Variants in CD163L1 observed in about 807,000 individuals in gnomAD.
The protein encoded by CD163L1 is scavenger receptor cysteine-rich type 1 protein M160.
A neutral mutation model predicts 165.4 loss-of-function variants in CD163L1; 124 were observed. The ratio of observed to expected loss-of-function variants is 0.75; its 90% CI spans 0.65 to 0.87. The LOEUF is 0.87. Among genes scored for constraint, CD163L1 ranks in the 40% least tolerant of loss-of-function variants. CD163L1 has a pLI of 0.00. For missense variants in CD163L1, 1,525 were observed against 1,799.9 expected, an observed-to-expected ratio of 0.85 and a Z score of 2.76; for synonymous variants, 585 against 662.2, an observed-to-expected ratio of 0.88 and a Z score of 1.79.
At chr12:7,345,633 G>C (rs748008162), downstream of CD163L1, among the ~76,000 whole-genome samples, 144 of 152,242 alleles carry the variant, frequency 9.5e-4, no homozygotes, top group African/African-American at 3.3e-3. Context: ...ATAATTTCAA[G>C]CACCTTTATA....
intron 4 of CD163L1, among the ~76,000 whole-genome samples, chr12:7,419,762 CA>C (rs1370863695): frequency 8.8e-5 from 13 of 148,228 alleles, no homozygotes; most frequent in East Asian, 5.9e-4. Context: ...ACAATAGCTG[CA>C]AAAAAAAAAT....
At chr12:7,405,328 CT>C (rs1565799259) in intron 5 of CD163L1, among the ~76,000 whole-genome samples, 1 of 152,002 alleles carries the variant, frequency 6.6e-6, no homozygotes, top group African/African-American at 2.4e-5. Flanking sequence ...TCCCTCTTTT[CT>C]CTCCTAACTT....
At chr12:7,362,834 A>T (rs1946932409) in intron 18 of CD163L1, among the ~76,000 whole-genome samples, 1 of 151,498 alleles carries the variant, frequency 6.6e-6, no homozygotes, top group African/African-American at 2.4e-5. Flanking sequence ...TTGCACATGC[A>T]TTTTTATAAC....
chr12:7,440,925 C>T (rs1202303775), intron 2 of CD163L1, among the ~76,000 whole-genome samples: 2 of 152,084 alleles, frequency 1.3e-5, no homozygotes, highest in African/African-American at 4.8e-5. Context: ...CTGTGCCCGG[C>T]CGGATTTGGA....
intron 4 of CD163L1, among the ~76,000 whole-genome samples, chr12:7,421,212 T>C (rs776597296): frequency 7.4e-6 from 1 of 135,210 alleles, no homozygotes; most frequent in Non-Finnish European, 1.6e-5. Flanking sequence ...TATGGGTATA[T>C]ATATGTGTAT....
intron 14 of CD163L1, among the ~76,000 whole-genome samples, chr12:7,371,595 G>A (rs1195208902): frequency 6.6e-6 from 1 of 151,706 alleles, no homozygotes; most frequent in South Asian, 2.1e-4. Flanking sequence ...CAAAATTTCA[G>A]GTAATATAAT....
intron 4 of CD163L1, among the ~76,000 whole-genome samples, chr12:7,431,586 C>T (rs918666360): frequency 6.7e-6 from 1 of 149,974 alleles, no homozygotes; most frequent in African/African-American, 2.5e-5. Context: ...GGGCAGGGAA[C>T]ATCACACACC....
At chr12:7,345,936 G>A (rs192885158), downstream of CD163L1, among the ~76,000 whole-genome samples, 8 of 152,244 alleles carry the variant, frequency 5.3e-5, no homozygotes, top group African/African-American at 1.7e-4. Context: ...CATATATTGG[G>A]AGAACTCGTT....
chr12:7,402,693 T>C (rs750736855), intron 6 of CD163L1, among the ~76,000 whole-genome samples: 1 of 151,888 alleles, frequency 6.6e-6, no homozygotes, highest in Non-Finnish European at 1.5e-5. Flanking sequence ...TGGAGTGCAG[T>C]GACCCAATCA....
Position 7,404,411 on chromosome 12 carries a change from T to C in CD163L1, c.1088-556A>G, listed in dbSNP as rs148815553. Among the ~76,000 whole-genome samples, 28 of 152,322 alleles carry C rather than the reference T, an allele frequency of 1.8e-4. 1 individual carries two copies. The highest frequency in any genetic ancestry group is 1.4e-3 in the Admixed American group (21 of 15,294). On this transcript the variant is annotated intron_variant, in intron 5 of 19. Coordinates refer to ENST00000313599, the MANE Select transcript of CD163L1 (RefSeq NM_174941.6). ...TACGAAGAAGCAAGCCTTTGCTTAT[T>C]AAACATATTTGTCATAGGAAATGAA...
intron 4 of CD163L1, among the ~76,000 whole-genome samples, chr12:7,413,032 G>C (rs1948168569): frequency 7.0e-6 from 1 of 142,536 alleles, no homozygotes; most frequent in Admixed American, 7.3e-5. Flanking sequence ...GAGGGTGGAG[G>C]TTGCAGTGAG....
chr12:7,437,486 TC>T (rs1208227307), intron 2 of CD163L1, among the ~76,000 whole-genome samples: 1 of 151,470 alleles, frequency 6.6e-6, no homozygotes, highest in East Asian at 1.9e-4. Context: ...CCCTCCCTGC[TC>T]CCCCCACCCC....
chr12:7,439,418 C>T, intron 2 of CD163L1: 2 of 1,596,228 alleles, frequency 1.3e-6, no homozygotes, highest in Non-Finnish European at 1.7e-6. Flanking sequence ...ACTAAACTTT[C>T]CAAGGAGCTC....
At chr12:7,443,332 G>C (rs772252656) in intron 1 of CD163L1, among the ~76,000 whole-genome samples, 6 of 152,156 alleles carry the variant, frequency 3.9e-5, no homozygotes, top group Non-Finnish European at 5.9e-5. Flanking sequence ...ATTTTCAAAA[G>C]CCTCAATCCT....
chr12:7,390,318 AT>A (rs1363675629), intron 8 of CD163L1, among the ~76,000 whole-genome samples: 2 of 152,076 alleles, frequency 1.3e-5, no homozygotes, highest in Non-Finnish European at 2.9e-5. Flanking sequence ...AAAAAACAAT[AT>A]ATTGTATATT....
At chr12:7,412,207 A>C (rs1394018319) in intron 4 of CD163L1, among the ~76,000 whole-genome samples, 1 of 152,234 alleles carries the variant, frequency 6.6e-6, no homozygotes, top group Non-Finnish European at 1.5e-5. Context: ...ACAATTGTTC[A>C]TTTCTAGAAC....
At position 7,413,360 on chromosome 12, in the gene CD163L1, A is replaced by G. The variant is rs1447095284; in HGVS notation, c.767-6508T>C. On this transcript the variant is annotated intron_variant, in intron 4 of 19. Coordinates refer to ENST00000313599, the MANE Select transcript of CD163L1 (RefSeq NM_174941.6). ...TGTCTCATCTCACCTAGAACACTGA[A>G]AAGATTAGCACAGCGGAATAATCTG... Among the ~76,000 whole-genome samples, 8 of 152,142 alleles carry G rather than the reference A, an allele frequency of 5.3e-5. No individual in the cohort carries two copies. The South Asian group carries it at 6.2e-4, about 12-fold the overall frequency.
At chr12:7,428,890 T>A (rs906903653) in intron 4 of CD163L1, among the ~76,000 whole-genome samples, 1 of 152,086 alleles carries the variant, frequency 6.6e-6, no homozygotes, top group Non-Finnish European at 1.5e-5. Context: ...GTTTGCAGAT[T>A]TAAGTAATCC....
chr12:7,369,580 A>C lies in CD163L1; in HGVS notation c.3816T>G (p.Asp1272Glu). ...WHAGSWGTVC[D>E]DSWDLAEAEV... ...CCGCCTCGGCCAGGTCCCAGGAGTCATCACACACTGTGCCCCAGGAGCCTG... is the reference window on the plus strand; with the variant it reads ...CCGCCTCGGCCAGGTCCCAGGAGTCCTCACACACTGTGCCCCAGGAGCCTG... The change falls in exon 15 of 20, where the codon GAT (aspartate) becomes GAG (glutamate). Residue 1272 changes from aspartate (D) to glutamate (E), a missense_variant. Coordinates refer to ENST00000313599, the MANE Select transcript of CD163L1 (RefSeq NM_174941.6). This position sits in a 1 kb window ranked among gnomAD's most constrained non-coding sequence, Gnocchi z 4.9. The C allele has an allele frequency of 2.5e-6, 4 of 1,614,168 alleles. No homozygotes were observed. Among genetic ancestry groups the C allele is most frequent in the Non-Finnish European group, 2.5e-6 (3 of 1,180,016 alleles).
Sources: gnomAD v4.1 joint callset for allele counts (sites outside exome capture counted in the v4.1 genomes callset) on GRCh38, gnomAD v4.1.1 for gene constraint, Gnocchi (gnomAD v3.1) non-coding constraint, MANE v1.5 for transcripts, NCBI Gene and HGNC (gene_info 2026-07-23, HGNC 2026-07-21) for gene names.